Variants in MED12L observed in about 807,000 individuals in gnomAD.
MED12L encodes mediator of RNA polymerase II transcription subunit 12-like protein.
Under a neutral mutation model 281.3 loss-of-function variants are expected in MED12L, and 60 were observed. The ratio of observed to expected loss-of-function variants is 0.21; its 90% CI spans 0.17 to 0.26. MED12L has a LOEUF of 0.26. MED12L is among the 10% of genes least tolerant of loss of function. The pLI is 1.00. For synonymous variants in MED12L, 974 were observed against 987.2 expected, an observed-to-expected ratio of 0.99 and a Z score of 0.25; for missense variants, 2,146 against 2,680.9, an observed-to-expected ratio of 0.80 and a Z score of 4.41.
chr3:151,436,064 G>A lies in MED12L; in HGVS notation c.*3260G>A, dbSNP rs993422475. ...CCTTTTCACATTTTATGATGTGCAG[G>A]TATTACATTGCTTTTTACATGTGGA... is the stretch of plus-strand genomic sequence containing the variant. On this transcript the variant is annotated 3_prime_UTR_variant, in exon 45 of 45. Transcript: ENST00000687756. The A allele has an allele frequency of 5.9e-5, 9 of 152,250 alleles. No homozygotes were observed. The highest frequency in any genetic ancestry group is 1.9e-4 in the East Asian group (1 of 5,180). The allele number at this position is 152,250 out of a possible 1,614,324, so 9.4% of individuals were successfully genotyped here.
At chr3:151,112,294 T>C (rs936027893) in intron 2 of MED12L, among the ~76,000 whole-genome samples, 14 of 151,856 alleles carry the variant, frequency 9.2e-5, no homozygotes, top group African/African-American at 3.4e-4. Context: ...TTTTTTTTTT[T>C]TTTTGAGATG....
chr3:151,242,318 G>A, intron 16 of MED12L, among the ~76,000 whole-genome samples: 1 of 152,338 alleles, frequency 6.6e-6, no homozygotes, highest in East Asian at 1.9e-4. Context: ...ACCTCTGGGG[G>A]CAGGGCACAG....
intron 5 of MED12L, among the ~76,000 whole-genome samples, chr3:151,130,524 T>C (rs1430223916): frequency 6.6e-6 from 1 of 152,240 alleles, no homozygotes; most frequent in Non-Finnish European, 1.5e-5. Flanking sequence ...GTAGCCAGAA[T>C]GATCCTGTTA....
At position 151,213,379 on chromosome 3, in the gene MED12L, G is replaced by T. The variant is rs544240634; in HGVS notation, c.2250+19713G>T. On this transcript the variant is annotated intron_variant, in intron 16 of 44. Transcript: ENST00000687756. ...GTCTAGGTCATTCTGAGCTTTTAAT[G>T]GAATGTGCAATTTCTTACATAAGAT... 10 of 1,613,736 alleles carry T rather than the reference G, an allele frequency of 6.2e-6. No homozygotes were observed. Among genetic ancestry groups the T allele is most frequent in the Non-Finnish European group, 8.5e-6 (10 of 1,179,692 alleles).
intron 11 of MED12L, among the ~76,000 whole-genome samples, chr3:151,178,646 A>C (rs1211241316): frequency 6.6e-6 from 1 of 152,208 alleles, no homozygotes; most frequent in African/African-American, 2.4e-5. Context: ...GACCTTGGAC[A>C]AGTTATTTGC....
intron 16 of MED12L, among the ~76,000 whole-genome samples, chr3:151,207,525 G>A (rs932573946): frequency 1.6e-4 from 24 of 150,448 alleles, no homozygotes; most frequent in African/African-American, 5.4e-4. Context: ...GCAATTTGGG[G>A]GCTTGGGTGT....
At chr3:151,325,775 G>A (rs181562977) in intron 16 of MED12L, among the ~76,000 whole-genome samples, 174 of 152,248 alleles carry the variant, frequency 1.1e-3, no homozygotes, top group African/African-American at 3.7e-3. Context: ...CCCACATTAA[G>A]TAGAGATTGA....
chr3:151,350,303 G>C (rs1310598167), intron 17 of MED12L, 97 bp downstream of exon 17: 3 of 1,177,782 alleles, frequency 2.5e-6, no homozygotes, highest in East Asian at 5.0e-5. Context: ...TGTCAACAGA[G>C]CGTTTCCCCT....
At chr3:151,412,456 A>T (rs1227126599) in intron 41 of MED12L, among the ~76,000 whole-genome samples, 2 of 152,230 alleles carry the variant, frequency 1.3e-5, no homozygotes, top group Admixed American at 6.5e-5. Flanking sequence ...TAGCAGCATC[A>T]TGTAAAACGT....
At chr3:151,169,905 A>G (rs1721214735) in intron 11 of MED12L, among the ~76,000 whole-genome samples, 1 of 152,226 alleles carries the variant, frequency 6.6e-6, no homozygotes, top group Non-Finnish European at 1.5e-5. Flanking sequence ...CCTAGGCCCC[A>G]GGTTGCATAG....
At chr3:151,246,074 G>GA (rs1358935869) in intron 16 of MED12L, among the ~76,000 whole-genome samples, 1 of 151,776 alleles carries the variant, frequency 6.6e-6, no homozygotes, top group African/African-American at 2.4e-5. Flanking sequence ...GGATGTGAAG[G>GA]AACTCTTCAA....
intron 16 of MED12L, among the ~76,000 whole-genome samples, chr3:151,199,957 TCAAAAA>T (rs775100363): frequency 3.3e-5 from 5 of 151,688 alleles, no homozygotes; most frequent in Non-Finnish European, 7.4e-5. Context: ...AGAGTCTGTC[TCAAAAA>T]CAAACAGAAA....
intron 16 of MED12L, among the ~76,000 whole-genome samples, chr3:151,319,924 A>C (rs1748795905): frequency 6.6e-6 from 1 of 152,188 alleles, no homozygotes; most frequent in Non-Finnish European, 1.5e-5. Flanking sequence ...CTCAAGGAGA[A>C]AAAGTGTCAC....
intron 16 of MED12L, among the ~76,000 whole-genome samples, chr3:151,312,547 A>G (rs545220321): frequency 6.6e-6 from 1 of 152,262 alleles, no homozygotes; most frequent in South Asian, 2.1e-4. Context: ...ACTTTGTTAT[A>G]TGTCCTCCAG....
At chr3:151,333,184 G>A (rs561026367) in intron 16 of MED12L, among the ~76,000 whole-genome samples, 1 of 152,236 alleles carries the variant, frequency 6.6e-6, no homozygotes, top group Non-Finnish European at 1.5e-5. Flanking sequence ...CTTTGCTTTT[G>A]TGAATAGTGC....
chr3:151,345,378 C>T (rs993089403), intron 16 of MED12L, among the ~76,000 whole-genome samples: 5 of 152,122 alleles, frequency 3.3e-5, no homozygotes, highest in Admixed American at 2.0e-4. Context: ...AACTTGAGGG[C>T]GTTTAAACAC....
At chr3:151,134,181 T>C (rs1019966305) in intron 5 of MED12L, among the ~76,000 whole-genome samples, 3 of 139,376 alleles carry the variant, frequency 2.2e-5, no homozygotes, top group Non-Finnish European at 4.5e-5. Context: ...CTTGCTGTTG[T>C]GGGGTTGTTT....
intron 16 of MED12L, chr3:151,300,078 G>A: frequency 6.2e-7 from 1 of 1,604,242 alleles, no homozygotes; most frequent in Non-Finnish European, 8.5e-7. Flanking sequence ...TGGTAATTTT[G>A]CAAGCGTCAA....
chr3:151,425,831 C>T (rs920913675), intron 43 of MED12L: 8 of 438,020 alleles, frequency 1.8e-5, no homozygotes, highest in Admixed American at 7.2e-5. Flanking sequence ...GTGATTCACT[C>T]TTTAAATGCG....
Sources: allele counts gnomAD v4.1 joint callset (sites outside exome capture counted in the v4.1 genomes callset), GRCh38; gene constraint gnomAD v4.1.1; transcripts MANE v1.5; gene names NCBI Gene and HGNC (gene_info 2026-07-23, HGNC 2026-07-21).